Variants in THADA observed in about 807,000 individuals in gnomAD.
THADA encodes the protein THADA armadillo repeat containing.
Under a neutral mutation model 219.8 loss-of-function variants are expected in THADA, and 213 were observed. That is an observed-to-expected ratio of 0.97 (90% CI 0.87 to 1.09). THADA has a LOEUF of 1.09. Among genes scored for constraint, THADA ranks in the 50% least tolerant of loss-of-function variants. The probability of loss-of-function intolerance (pLI) is 0.00; values close to 1 mark genes in which losing one functional copy is unlikely to be tolerated. For missense variants in THADA, 2,956 were observed against 2,311.3 expected, an observed-to-expected ratio of 1.28 and a Z score of -5.72; for synonymous variants, 1,018 against 828.9, an observed-to-expected ratio of 1.23 and a Z score of -3.92.
rs1046528218 is a variant in THADA, at chr2:43,478,254, T to C, written c.3836+6980A>G. Among the ~76,000 whole-genome samples the C allele has an allele frequency of 3.3e-5, 5 of 152,210 alleles. 1 individual carries two copies. Among genetic ancestry groups the C allele is most frequent in the Admixed American group, 1.3e-4 (2 of 15,276 alleles). The stretch of plus-strand genomic sequence containing the variant: ...ACAATAGCTGGAAATTCCTGAGATT[T>C]CCAAACTGTACATTACTCAAATCAG... On this transcript the variant is annotated intron_variant, in intron 26 of 37. Coordinates refer to ENST00000405975, the MANE Select transcript of THADA (RefSeq NM_022065.5).
At chr2:43,359,777 G>C (rs1669288244) in intron 29 of THADA, among the ~76,000 whole-genome samples, 2 of 150,908 alleles carry the variant, frequency 1.3e-5, no homozygotes, top group South Asian at 4.3e-4. Context: ...TGGATAAGCT[G>C]TTAACTGGAT....
At chr2:43,323,057 T>C (rs896104427) in intron 30 of THADA, among the ~76,000 whole-genome samples, 2 of 152,216 alleles carry the variant, frequency 1.3e-5, no homozygotes, top group Non-Finnish European at 2.9e-5. Flanking sequence ...TACTCGGTTC[T>C]GATCATCACT....
chr2:43,273,220 C>G (rs762392323), intron 36 of THADA, among the ~76,000 whole-genome samples: 1 of 151,364 alleles, frequency 6.6e-6, no homozygotes, highest in Non-Finnish European at 1.5e-5. Flanking sequence ...CCACTGCACT[C>G]TCGCCTGGGC....
intron 29 of THADA, among the ~76,000 whole-genome samples, chr2:43,345,923 G>A (rs1051427623): frequency 6.6e-6 from 1 of 152,106 alleles, no homozygotes; most frequent in East Asian, 1.9e-4. Flanking sequence ...ACCTTACTTG[G>A]CAAAAACAAG....
chr2:43,595,382 A>G (rs1344253256), intron 1 of THADA, among the ~76,000 whole-genome samples: 1 of 152,254 alleles, frequency 6.6e-6, no homozygotes, highest in African/African-American at 2.4e-5. Context: ...ACGCTTCCTA[A>G]GAAAGTGACC....
chr2:43,367,714 A>G (rs1265461746), intron 29 of THADA, among the ~76,000 whole-genome samples: 1 of 152,230 alleles, frequency 6.6e-6, no homozygotes, highest in Non-Finnish European at 1.5e-5. Flanking sequence ...TGGGATGGTA[A>G]AGACCTACTT....
At position 43,443,385 on chromosome 2, in the gene THADA, C is replaced by A. The variant is rs184684018; in HGVS notation, c.3837-13083G>T. On this transcript the variant is annotated intron_variant, in intron 26 of 37. Coordinates refer to ENST00000405975, the MANE Select transcript of THADA (RefSeq NM_022065.5). Reference sequence around the variant, plus strand: ...TTGAGTTAATAAAATGAGTACCCTGCCAGAGCTTGAAATGTTCTTAAACAC... The same window carrying A: ...TTGAGTTAATAAAATGAGTACCCTGACAGAGCTTGAAATGTTCTTAAACAC... Among the ~76,000 whole-genome samples, 7 of 152,278 alleles carry A rather than the reference C, an allele frequency of 4.6e-5. No homozygotes were observed. The East Asian group carries it at 1.4e-3, about 29-fold the overall frequency.
intron 30 of THADA, among the ~76,000 whole-genome samples, chr2:43,323,964 G>C (rs1159971644): frequency 6.6e-6 from 1 of 152,230 alleles, no homozygotes; most frequent in East Asian, 1.9e-4. Flanking sequence ...CAAGAGGAAG[G>C]CTGGTCAGGC....
At chr2:43,534,698 T>A (rs1694324227) in intron 21 of THADA, among the ~76,000 whole-genome samples, 1 of 152,228 alleles carries the variant, frequency 6.6e-6, no homozygotes, top group Non-Finnish European at 1.5e-5. Context: ...TACACCACAT[T>A]TCTTTACCCA....
intron 36 of THADA, among the ~76,000 whole-genome samples, chr2:43,260,901 C>T (rs1670855474): frequency 6.6e-6 from 1 of 152,114 alleles, no homozygotes; most frequent in Non-Finnish European, 1.5e-5. Context: ...GTATTTAAAT[C>T]CTTTAAGGCC....
Position 43,303,887 on chromosome 2 carries a change from C to G in THADA, c.4439-10674G>C, listed in dbSNP as rs1387743652. 2.0e-5 allele frequency among the ~76,000 whole-genome samples: 3 copies of G among 152,246 alleles called. 1 individual carries two copies. The highest frequency in any genetic ancestry group is 7.2e-5 in the African/African-American group (3 of 41,542). ...CCCCAAGTTTCTAATTTCAGTAAGT[C>G]TGAGCAGGGCTCCCCAAAAGTTACA... On this transcript the variant is annotated intron_variant, in intron 31 of 37. Transcript: ENST00000405975.
intron 29 of THADA, among the ~76,000 whole-genome samples, chr2:43,374,470 G>A (rs1340072932): frequency 6.6e-6 from 1 of 152,170 alleles, no homozygotes; most frequent in Non-Finnish European, 1.5e-5. Context: ...CAGAGTTAGT[G>A]CAATAGAAGT....
intron 26 of THADA, among the ~76,000 whole-genome samples, chr2:43,448,755 C>G (rs1426968846): frequency 6.6e-6 from 1 of 151,958 alleles, no homozygotes; most frequent in Non-Finnish European, 1.5e-5. Flanking sequence ...ACACATCAGG[C>G]AGACCCCCTG....
chr2:43,253,450 C>G (rs1023345044), intron 36 of THADA, among the ~76,000 whole-genome samples: 1 of 152,148 alleles, frequency 6.6e-6, no homozygotes, highest in African/African-American at 2.4e-5. Context: ...ACTGAACCTT[C>G]TCTCTCAACT....
In THADA at chr2:43,241,009, C is replaced by G. The variant is rs184016991; in HGVS notation, c.5297-8127G>C. On this transcript the variant is annotated intron_variant, in intron 36 of 37. Coordinates refer to ENST00000405975, the MANE Select transcript of THADA (RefSeq NM_022065.5). Reference sequence around the variant, plus strand: ...GTGCCCTTGTCCACAGCCATCCCTTCCCCCAAATCCCTACCTGGCCATGAT... The same window carrying G: ...GTGCCCTTGTCCACAGCCATCCCTTGCCCCAAATCCCTACCTGGCCATGAT... Among the ~76,000 whole-genome samples, 483 of 152,276 alleles carry G rather than the reference C, an allele frequency of 3.2e-3. 1 individual carries two copies. The highest frequency in any genetic ancestry group is 5.1e-3 in the Non-Finnish European group (347 of 68,002).
intron 13 of THADA, 143 bp downstream of exon 13, chr2:43,571,564 G>T: frequency 1.4e-6 from 1 of 726,146 alleles, no homozygotes; most frequent in Non-Finnish European, 2.2e-6. Context: ...GAGAGAACAG[G>T]TCACAGAACG....
chr2:43,583,997 G>A (rs1366869304), intron 7 of THADA, among the ~76,000 whole-genome samples: 2 of 140,374 alleles, frequency 1.4e-5, no homozygotes, highest in Middle Eastern at 4.0e-3. Flanking sequence ...CCAAAATCCT[G>A]CACTCCAGCT....
At chr2:43,347,258 T>C (rs1397053351) in intron 29 of THADA, among the ~76,000 whole-genome samples, 1 of 152,192 alleles carries the variant, frequency 6.6e-6, no homozygotes, top group African/African-American at 2.4e-5. Flanking sequence ...ATCTAACTTG[T>C]AGGACTGTAG....
intron 30 of THADA, among the ~76,000 whole-genome samples, chr2:43,332,654 A>G (rs1161515769): frequency 6.6e-6 from 1 of 152,218 alleles, no homozygotes. Context: ...GGCTTTACAT[A>G]ATATTATGAG....
Sources: allele counts gnomAD v4.1 joint callset (sites outside exome capture counted in the v4.1 genomes callset), GRCh38; gene constraint gnomAD v4.1.1; transcripts MANE v1.5; gene names NCBI Gene and HGNC (gene_info 2026-07-23, HGNC 2026-07-21).